The following MYO9A variants were observed in gnomAD, a reference collection of about 807,000 sequenced individuals.
MYO9A encodes the protein unconventional myosin-IXa.
MYO9A carries 103 observed loss-of-function variants against 293.3 expected under a neutral mutation model. The ratio of observed to expected loss-of-function variants is 0.35; its 90% CI spans 0.30 to 0.41. The LOEUF (loss-of-function observed/expected upper bound fraction) is 0.41. MYO9A is among the 10% of genes least tolerant of loss of function. The pLI is 1.00. For missense variants in MYO9A, 2,685 were observed against 3,033.0 expected (o/e 0.89, Z 2.69); for synonymous variants, 1,001 against 1,035.7 (o/e 0.97, Z 0.64).
intron 39 of MYO9A, among the ~76,000 whole-genome samples, chr15:71,833,146 T>C (rs887005100): frequency 6.6e-6 from 1 of 151,900 alleles, no homozygotes; most frequent in African/African-American, 2.4e-5. Context: ...CCCAAATATA[T>C]TGGTGAGTAT....
chr15:72,037,912 T>C (rs949530909), intron 2 of MYO9A, among the ~76,000 whole-genome samples: 1 of 134,552 alleles, frequency 7.4e-6, no homozygotes, highest in Non-Finnish European at 1.6e-5. Flanking sequence ...GACTATCAGC[T>C]TTTTTTTTTT....
chr15:72,025,123 T>C (rs1403718580), intron 4 of MYO9A, among the ~76,000 whole-genome samples: 1 of 151,614 alleles, frequency 6.6e-6, no homozygotes, highest in Non-Finnish European at 1.5e-5. Flanking sequence ...AGGTTAAAAA[T>C]AAAAAGATGG....
At chr15:71,934,748 G>A (rs1192053925) in intron 17 of MYO9A, among the ~76,000 whole-genome samples, 2 of 143,374 alleles carry the variant, frequency 1.4e-5, no homozygotes. Flanking sequence ...CTACATGCAT[G>A]CACTACCACA....
chr15:72,015,954 C>T (rs1337108814), intron 6 of MYO9A, among the ~76,000 whole-genome samples: 1 of 152,042 alleles, frequency 6.6e-6, no homozygotes, highest in Non-Finnish European at 1.5e-5. Context: ...TCCCAAAGTG[C>T]TGGGATTACA....
At chr15:71,965,217 G>A (rs192468829) in intron 13 of MYO9A, among the ~76,000 whole-genome samples, 3 of 152,042 alleles carry the variant, frequency 2.0e-5, no homozygotes, top group Admixed American at 2.0e-4. Context: ...GATTTTCTAA[G>A]TTATCCTTAT....
intron 39 of MYO9A, among the ~76,000 whole-genome samples, chr15:71,843,124 C>T (rs1216929743): frequency 6.6e-6 from 1 of 152,004 alleles, no homozygotes; most frequent in Non-Finnish European, 1.5e-5. Context: ...CCTATCTCTT[C>T]TTCTTTTTAA....
chr15:72,010,279 C>A, intron 7 of MYO9A, 71 bp downstream of exon 7: 1 of 1,284,018 alleles, frequency 7.8e-7, no homozygotes, highest in Non-Finnish European at 1.1e-6. Context: ...AAAAGGTCAA[C>A]GGCAGAAATC....
intron 1 of MYO9A, among the ~76,000 whole-genome samples, chr15:72,087,750 C>T (rs1202459807): frequency 2.6e-5 from 4 of 152,166 alleles, no homozygotes; most frequent in African/African-American, 9.7e-5. Context: ...CCATCTTGCC[C>T]ACCTTCCTCC....
intron 1 of MYO9A, among the ~76,000 whole-genome samples, chr15:72,088,548 C>A (rs2079813007): frequency 6.6e-6 from 1 of 152,196 alleles, no homozygotes; most frequent in Admixed American, 6.6e-5. Context: ...ACATTTGCCA[C>A]TTACTACTGT....
At chr15:71,869,547 A>G (rs1187868022) in intron 32 of MYO9A, among the ~76,000 whole-genome samples, 1 of 152,228 alleles carries the variant, frequency 6.6e-6, no homozygotes, top group African/African-American at 2.4e-5. Flanking sequence ...TTAAAAAGGA[A>G]CAATAGTGGG....
At chr15:71,962,635 C>T (rs1027634066) in intron 13 of MYO9A, among the ~76,000 whole-genome samples, 4 of 152,154 alleles carry the variant, frequency 2.6e-5, no homozygotes, top group Admixed American at 6.5e-5. Context: ...CTTATTTTTA[C>T]CCAGTTCTAA....
chr15:71,850,825 CA>C (rs1382478504), intron 37 of MYO9A, among the ~76,000 whole-genome samples: 6 of 103,012 alleles, frequency 5.8e-5, no homozygotes, highest in African/African-American at 2.3e-4. Flanking sequence ...AGGCTTTAAC[CA>C]AAAATAAAGA....
At chr15:72,099,422 C>CAAAAAAAAAAAAAAA (rs57019438) in intron 1 of MYO9A, among the ~76,000 whole-genome samples, 15 of 90,130 alleles carry the variant, frequency 1.7e-4, no homozygotes, top group East Asian at 1.3e-3. Flanking sequence ...GACCCTGCCC[C>CAAAAAAAAAAAAAAA]AAAAAAAAAA....
chr15:72,007,408 A>G (rs1447479677), intron 8 of MYO9A, among the ~76,000 whole-genome samples: 1 of 152,062 alleles, frequency 6.6e-6, no homozygotes, highest in Non-Finnish European at 1.5e-5. Context: ...AAAAAAAAGT[A>G]GTATCCTTTT....
intron 20 of MYO9A, 107 bp from the exon 21 acceptor site, chr15:71,904,146 G>T: frequency 2.3e-6 from 2 of 887,316 alleles, no homozygotes; most frequent in Non-Finnish European, 3.6e-6. Context: ...ACTGGAGGTT[G>T]TCTGGTTAAC....
chr15:71,928,465 TA>T (rs1394499681), intron 18 of MYO9A, among the ~76,000 whole-genome samples: 1 of 151,986 alleles, frequency 6.6e-6, no homozygotes, highest in East Asian at 1.9e-4. Flanking sequence ...GGATTTTTTT[TA>T]TTTCTGTGAA....
chr15:71,902,061 T>A (rs966246636), intron 22 of MYO9A, among the ~76,000 whole-genome samples: 3 of 151,962 alleles, frequency 2.0e-5, no homozygotes, highest in African/African-American at 7.3e-5. Context: ...GAATTATACC[T>A]CTCATTTGAG....
chr15:71,894,589 AAAAC>A (rs1174472654), intron 25 of MYO9A, among the ~76,000 whole-genome samples: 4 of 152,184 alleles, frequency 2.6e-5, no homozygotes, highest in Non-Finnish European at 5.9e-5. Context: ...AAAAAACCAA[AAAAC>A]AAACAAACAA....
intron 7 of MYO9A, among the ~76,000 whole-genome samples, chr15:72,008,436 G>GGTGTGTGT (rs57267628): frequency 0.018 from 2,448 of 138,776 alleles, 56 homozygotes; most frequent in African/African-American, 0.05. Context: ...GAGGTAAATG[G>GGTGTGTGT]GTGTGTGTGT....
Sources: allele counts gnomAD v4.1 joint callset (sites outside exome capture counted in the v4.1 genomes callset), GRCh38; gene constraint gnomAD v4.1.1; transcripts MANE v1.5; gene names NCBI Gene and HGNC (gene_info 2026-07-23, HGNC 2026-07-21).